Variants in SBF2 observed in about 807,000 individuals in gnomAD.
SBF2 encodes the protein SET binding factor 2, also known as myotubularin-related protein 13.
SBF2 carries 112 observed loss-of-function variants against 225.2 expected under a neutral mutation model. That is an observed-to-expected ratio of 0.50 (90% CI 0.43 to 0.58). The LOEUF (loss-of-function observed/expected upper bound fraction) is 0.58, where lower values mean the gene tolerates loss of function less well. Ranked by LOEUF, SBF2 falls within the 20% of genes least tolerant of loss-of-function variation. The probability of loss-of-function intolerance (pLI) is 0.00; values close to 1 mark genes in which losing one functional copy is unlikely to be tolerated. For synonymous variants in SBF2, 763 were observed against 773.3 expected, an observed-to-expected ratio of 0.99 and a Z score of 0.22; for missense variants, 1,996 against 2,206.2, an observed-to-expected ratio of 0.90 and a Z score of 1.91.
At chr11:10,247,433 C>A (rs1441670614) in intron 1 of SBF2, among the ~76,000 whole-genome samples, 2 of 151,114 alleles carry the variant, frequency 1.3e-5, no homozygotes, top group East Asian at 3.9e-4. Flanking sequence ...GTAATGCCAG[C>A]ATTTTGGGAG....
At position 9,858,264 on chromosome 11, in the gene SBF2, C is replaced by G; in HGVS notation, c.2062G>C (p.Ala688Pro). 1.2e-6 allele frequency: 2 copies of G among 1,614,142 alleles called. No homozygotes were observed. Among genetic ancestry groups the G allele is most frequent in the Non-Finnish European group, 1.7e-6 (2 of 1,180,034 alleles). The change falls in exon 18 of 40, where the codon GCC (alanine) becomes CCC (proline). Residue 688 changes from alanine (A) to proline (P), a missense_variant. Coordinates refer to ENST00000256190, the MANE Select transcript of SBF2 (RefSeq NM_030962.4). ...QEQVRSLYLS[A>P]KEDNHAPHLK... ...TGCGGGGCATGATTGTCTTCCTTGG[C>G]TGAGAGATAAAGGGAGCGAACCTGT...
intron 2 of SBF2, among the ~76,000 whole-genome samples, chr11:10,193,587 C>T (rs796067633): frequency 4.6e-5 from 7 of 152,098 alleles, no homozygotes; most frequent in African/African-American, 1.7e-4. Flanking sequence ...CTCCTTACCT[C>T]GTAATCCGCC....
chr11:9,925,149 T>C (rs558583874), intron 16 of SBF2, among the ~76,000 whole-genome samples: 2 of 152,316 alleles, frequency 1.3e-5, no homozygotes, highest in East Asian at 1.9e-4. Flanking sequence ...GTGAGCTATA[T>C]GTGTAATTTA....
At chr11:10,254,495 T>A (rs140459015) in intron 1 of SBF2, among the ~76,000 whole-genome samples, 2 of 151,942 alleles carry the variant, frequency 1.3e-5, no homozygotes, top group Non-Finnish European at 2.9e-5. Context: ...CACATGTTCA[T>A]TGCAGCATTA....
chr11:10,023,581 G>A (rs1158809164), intron 6 of SBF2, among the ~76,000 whole-genome samples: 1 of 152,090 alleles, frequency 6.6e-6, no homozygotes, highest in Non-Finnish European at 1.5e-5. Context: ...TTGCCCCTAT[G>A]TGTTTGCCTA....
chr11:10,184,330 T>C (rs1363668700), intron 2 of SBF2, among the ~76,000 whole-genome samples: 1 of 152,242 alleles, frequency 6.6e-6, no homozygotes, highest in African/African-American at 2.4e-5. Flanking sequence ...CCAGGTAGTA[T>C]AAGTCTTCCA....
chr11:10,113,803 A>T (rs2135022800), intron 2 of SBF2, among the ~76,000 whole-genome samples: 1 of 151,718 alleles, frequency 6.6e-6, no homozygotes, highest in African/African-American at 2.4e-5. Flanking sequence ...CAGTTTAAAA[A>T]AAAAAAAAAA....
At chr11:10,038,519 A>C (rs1403955992) in intron 3 of SBF2, among the ~76,000 whole-genome samples, 1 of 151,848 alleles carries the variant, frequency 6.6e-6, no homozygotes, top group African/African-American at 2.4e-5. Context: ...ACTCTGTATG[A>C]TTTATTCCAG....
chr11:10,078,270 C>T (rs952510204), intron 2 of SBF2, among the ~76,000 whole-genome samples: 4 of 152,152 alleles, frequency 2.6e-5, no homozygotes, highest in African/African-American at 9.7e-5. Flanking sequence ...CCAGTGATCC[C>T]ATTACTGGGT....
In SBF2 at chr11:10,251,797, C is replaced by A. The variant is rs536723415; in HGVS notation, c.55+42218G>T. On this transcript the variant is annotated intron_variant, in intron 1 of 39. Coordinates refer to ENST00000256190, the MANE Select transcript of SBF2 (RefSeq NM_030962.4). ...AATGACAAAAGTTGAAAGAAATATG[C>A]GACTGTGAGGACACAGTAACCTATG... Among the ~76,000 whole-genome samples, 7 of 152,258 alleles carry A rather than the reference C, an allele frequency of 4.6e-5. No individual in the cohort carries two copies. In the South Asian group the frequency reaches 1.4e-3, roughly 32 times the overall value.
At chr11:10,120,950 G>A (rs1350852290) in intron 2 of SBF2, among the ~76,000 whole-genome samples, 1 of 151,942 alleles carries the variant, frequency 6.6e-6, no homozygotes. Context: ...ATTTTTGGTA[G>A]AGACGAGGTT....
Position 9,816,937 on chromosome 11 carries a change from T to C in SBF2, c.3881A>G (p.Asp1294Gly), listed in dbSNP as rs753512736. 6.2e-7 allele frequency: 1 copy of C among 1,614,206 alleles called. No individual in the cohort carries two copies. The highest frequency in any genetic ancestry group is 1.1e-5 in the South Asian group (1 of 91,086). The change falls in exon 29 of 40, where the codon GAT becomes GGT. Residue 1294 changes from aspartate to glycine, a missense_variant. Transcript: ENST00000256190. ...IDVGARLAGK[D>G]HSASFSNSSY... ...GCTGTTACTGAAGGAGGCCGAGTGA[T>C]CCTTGCCTGCCAGCCGGGCGCCAAC...
chr11:9,841,295 A>G (rs1438356188), intron 25 of SBF2, among the ~76,000 whole-genome samples: 1 of 152,216 alleles, frequency 6.6e-6, no homozygotes, highest in Non-Finnish European at 1.5e-5. Context: ...TTATCATAGA[A>G]TAATAGGTTT....
intron 30 of SBF2, among the ~76,000 whole-genome samples, chr11:9,811,907 G>C (rs1854206925): frequency 6.6e-6 from 1 of 152,078 alleles, no homozygotes; most frequent in Non-Finnish European, 1.5e-5. Flanking sequence ...CTTGAGGCCA[G>C]GAGTTCAAGA....
chr11:10,018,129 C>G (rs925772597), intron 6 of SBF2, among the ~76,000 whole-genome samples: 2 of 152,094 alleles, frequency 1.3e-5, no homozygotes, highest in African/African-American at 4.8e-5. Context: ...GGGAACTGTC[C>G]TGGCAGAAAC....
chr11:10,189,308 A>G (rs1957067394), intron 2 of SBF2, among the ~76,000 whole-genome samples: 3 of 152,166 alleles, frequency 2.0e-5, no homozygotes, highest in South Asian at 4.1e-4. Context: ...TGATTCTGTC[A>G]TCTCATTCTC....
intron 1 of SBF2, among the ~76,000 whole-genome samples, chr11:10,249,302 T>C (rs1172239970): frequency 6.6e-6 from 1 of 152,210 alleles, no homozygotes; most frequent in Admixed American, 6.5e-5. Flanking sequence ...CTGATTAAGA[T>C]TGGACAGATT....
chr11:10,073,097 T>C (rs1052824288), intron 2 of SBF2, among the ~76,000 whole-genome samples: 1 of 152,006 alleles, frequency 6.6e-6, no homozygotes, highest in Non-Finnish European at 1.5e-5. Flanking sequence ...AAGGCCAATA[T>C]ATAATGTGAT....
chr11:10,133,255 G>A lies in SBF2; in HGVS notation c.141+60647C>T, dbSNP rs377623196. On this transcript the variant is annotated intron_variant, in intron 2 of 39. Transcript: ENST00000256190. ...CAGCTGGCTTCACCTAGTGGATCCC[G>A]CGTAGGGGCTGCAGGTGGAGCTGCC... is the stretch of plus-strand genomic sequence containing the variant. Among the ~76,000 whole-genome samples, 88 of 149,314 alleles carry A rather than the reference G, an allele frequency of 5.9e-4. 2 individuals are homozygous for A. Among genetic ancestry groups the A allele is most frequent in the East Asian group, 2.2e-3 (10 of 4,554 alleles).
Sources: allele counts gnomAD v4.1 joint callset (sites outside exome capture counted in the v4.1 genomes callset), GRCh38; gene constraint gnomAD v4.1.1; transcripts MANE v1.5; gene names NCBI Gene and HGNC (gene_info 2026-07-23, HGNC 2026-07-21).